Variants in UGP2 observed in about 807,000 individuals in gnomAD.
UGP2 encodes the protein UDP-glucose pyrophosphorylase 2.
A neutral mutation model predicts 49.0 loss-of-function variants in UGP2; 40 were observed. That is an observed-to-expected ratio of 0.82 (90% CI 0.63 to 1.06). The LOEUF is 1.06. Among genes scored for constraint, UGP2 ranks in the 50% least tolerant of loss-of-function variants. The probability of loss-of-function intolerance (pLI) is 0.00; values close to 1 mark genes in which losing one functional copy is unlikely to be tolerated. For synonymous variants in UGP2, 225 were observed against 213.0 expected, an observed-to-expected ratio of 1.06 and a Z score of -0.49; for missense variants, 460 against 603.5, an observed-to-expected ratio of 0.76 and a Z score of 2.49.
chr2:63,858,037 A>G, intron 3 of UGP2, 101 bp downstream of exon 3: 1 of 1,047,232 alleles, frequency 9.5e-7, no homozygotes, highest in East Asian at 2.4e-5. Flanking sequence ...CAATCATGTG[A>G]GACAAGACAG....
intron 1 of UGP2, among the ~76,000 whole-genome samples, chr2:63,845,520 A>T (rs1366582007): frequency 4.6e-5 from 2 of 43,810 alleles, no homozygotes; most frequent in East Asian, 2.7e-4. Flanking sequence ...TTATTATGTT[A>T]AAAAAAAAAA....
At chr2:63,877,205 A>G (rs1670965660) in intron 3 of UGP2, among the ~76,000 whole-genome samples, 1 of 152,244 alleles carries the variant, frequency 6.6e-6, no homozygotes, top group African/African-American at 2.4e-5. Flanking sequence ...CAGTAAATGG[A>G]CTTACTTTGG....
chr2:63,857,629 T>G (rs1175342423), intron 2 of UGP2, 200 bp from the exon 3 acceptor site: 3 of 613,904 alleles, frequency 4.9e-6, no homozygotes, highest in Non-Finnish European at 9.0e-6. Context: ...CCTCCCAAAG[T>G]GCTGGGATTA....
intron 3 of UGP2, among the ~76,000 whole-genome samples, chr2:63,871,618 CTGT>C (rs1371713521): frequency 6.6e-6 from 1 of 152,218 alleles, no homozygotes; most frequent in African/African-American, 2.4e-5. Context: ...AGTTTTCTTT[CTGT>C]TGTTTTGAAA....
chr2:63,842,148 A>C lies in UGP2; in HGVS notation c.-38A>C. On this transcript the variant is annotated 5_prime_UTR_variant, in exon 1 of 10. Coordinates refer to ENST00000337130, the MANE Select transcript of UGP2 (RefSeq NM_006759.4). ...CCTGTAGCGTGACTCCTCTAGAAAAAAAAAAAAAAAGCCGGAGTATTTTAC... is the reference window on the plus strand; with the variant it reads ...CCTGTAGCGTGACTCCTCTAGAAAACAAAAAAAAAAGCCGGAGTATTTTAC... The C allele has an allele frequency of 1.9e-6, 3 of 1,574,096 alleles. No individual in the cohort carries two copies. Among genetic ancestry groups the C allele is most frequent in the Non-Finnish European group, 2.6e-6 (3 of 1,167,520 alleles).
At chr2:63,848,671 A>G (rs552500496) in intron 1 of UGP2, among the ~76,000 whole-genome samples, 68 of 152,334 alleles carry the variant, frequency 4.5e-4, no homozygotes, top group African/African-American at 1.5e-3. Flanking sequence ...CAATTCTTAG[A>G]TATTTAAAAT....
At chr2:63,866,046 G>C (rs1360365070) in intron 3 of UGP2, among the ~76,000 whole-genome samples, 2 of 152,124 alleles carry the variant, frequency 1.3e-5, no homozygotes, top group African/African-American at 4.8e-5. Context: ...CTTGGATAAA[G>C]AGTAATAGCA....
intron 1 of UGP2, among the ~76,000 whole-genome samples, chr2:63,848,761 A>G (rs930480328): frequency 6.6e-5 from 10 of 152,228 alleles, no homozygotes; most frequent in Non-Finnish European, 2.9e-5. Flanking sequence ...AGAAAATTAA[A>G]CTTTGTGTGT....
chr2:63,853,153 G>A (rs1669152356), intron 1 of UGP2, among the ~76,000 whole-genome samples: 1 of 152,132 alleles, frequency 6.6e-6, no homozygotes, highest in Admixed American at 6.5e-5. Context: ...GGTGTGGTCA[G>A]AGAGGTAAGA....
At position 63,883,979 on chromosome 2, in the gene UGP2, A is replaced by G; in HGVS notation, c.461A>G (p.Asn154Ser). 6.2e-7 allele frequency: 1 copy of G among 1,612,104 alleles called. No homozygotes were observed. The highest frequency in any genetic ancestry group is 8.5e-7 in the Non-Finnish European group (1 of 1,179,528). ...CCCTAGCATTTGAATAAAACCTACA[A>G]TACAGATGTTCCTCTTGTTTTAATG... ...QQIEHLNKTY[N>S]TDVPLVLMNS... Residue 154 changes from asparagine to serine, a missense_variant, in exon 5 of 10, where the codon AAT (asparagine) becomes AGT (serine). Around this residue, in one of 2 missense-constraint regions of UGP2, gnomAD observed 317 missense variants for 473.0 expected, o/e 0.67. Transcript: ENST00000337130.
intron 1 of UGP2, 21 bp downstream of exon 1, chr2:63,842,225 T>C: frequency 2.5e-6 from 4 of 1,609,744 alleles, no homozygotes; most frequent in Non-Finnish European, 3.4e-6. Flanking sequence ...CTGCTGCTTA[T>C]ATCCCGAGTT....
At chr2:63,855,520 G>GTTTTTTTTTTTTTTTTTTTTTTCTT (rs372160888) in intron 1 of UGP2, 5 of 194,312 alleles carry the variant, frequency 2.6e-5, no homozygotes, top group African/African-American at 6.4e-5. Context: ...TTCTTTTTCT[G>GTTTTTTTTTTTTTTTTTTTTTTCTT]TTTTTTTTTT....
chr2:63,891,004 T>A, intron 9 of UGP2, 116 bp from the exon 10 acceptor site: 1 of 663,754 alleles, frequency 1.5e-6, no homozygotes, highest in Non-Finnish European at 2.5e-6. Flanking sequence ...ATATTGTTTA[T>A]AAAAAAAGTT....
chr2:63,865,666 G>A (rs1220248069), intron 3 of UGP2, among the ~76,000 whole-genome samples: 4 of 151,594 alleles, frequency 2.6e-5, no homozygotes, highest in African/African-American at 9.7e-5. Context: ...GACCTCTTGA[G>A]TAGCAGGGAC....
At chr2:63,877,033 A>T (rs543419326) in intron 3 of UGP2, among the ~76,000 whole-genome samples, 1 of 152,366 alleles carries the variant, frequency 6.6e-6, no homozygotes, top group Admixed American at 6.5e-5. Context: ...ACCATCATAG[A>T]ATAAGTTTTT....
intron 3 of UGP2, among the ~76,000 whole-genome samples, chr2:63,859,930 A>C (rs1288818157): frequency 6.6e-6 from 1 of 152,192 alleles, no homozygotes; most frequent in African/African-American, 2.4e-5. Context: ...TACGATATGC[A>C]TGTTACCAGC....
At chr2:63,883,069 A>T (rs1199726201) in intron 4 of UGP2, among the ~76,000 whole-genome samples, 1 of 152,226 alleles carries the variant, frequency 6.6e-6, no homozygotes, top group Non-Finnish European at 1.5e-5. Flanking sequence ...GGACAAAGTC[A>T]TTAATCGTAC....
chr2:63,855,540 T>C (rs1457251403), intron 1 of UGP2: 13 of 237,306 alleles, frequency 5.5e-5, no homozygotes, highest in Admixed American at 3.5e-4. Context: ...TTTTTTTTTT[T>C]TCTCTTTTCT....
chr2:63,841,889 C>T, upstream of UGP2: 1 of 353,944 alleles, frequency 2.8e-6, no homozygotes, highest in East Asian at 4.4e-5. Context: ...GTGGTTTTAC[C>T]TTTTCCGGGA....
Sources: allele counts gnomAD v4.1 joint callset (sites outside exome capture counted in the v4.1 genomes callset), GRCh38; gene constraint gnomAD v4.1.1; regional missense constraint gnomAD v4.1.1; transcripts MANE v1.5; gene names NCBI Gene and HGNC (gene_info 2026-07-23, HGNC 2026-07-21).